The following FAM120C variants were observed in gnomAD, a reference collection of about 807,000 sequenced individuals.
The protein encoded by FAM120C is family with sequence similarity 120 member C, also known as constitutive coactivator of PPAR-gamma-like protein 2.
FAM120C carries 14 observed loss-of-function variants against 71.2 expected under a neutral mutation model. That is an observed-to-expected ratio of 0.20 (90% CI 0.13 to 0.31). The LOEUF (loss-of-function observed/expected upper bound fraction) is 0.31, where lower values mean the gene tolerates loss of function less well. FAM120C is among the 10% of genes least tolerant of loss of function. FAM120C has a pLI of 1.00. For synonymous variants in FAM120C, 354 were observed against 353.2 expected (o/e 1.00, Z -0.03); for missense variants, 500 against 879.0 (o/e 0.57, Z 5.45).
intron 10 of FAM120C, among the ~76,000 whole-genome samples, chrX:54,099,175 GC>G (rs782108835): frequency 2.6e-4 from 28 of 109,085 alleles, no homozygotes; most frequent in Non-Finnish European, 4.9e-4. Context: ...GCTACGCCCA[GC>G]TGCTTTTTAA....
rs1304167009 is a variant in FAM120C, at chrX:54,136,481, G to A, written c.1258+10C>T. On this transcript the variant is annotated intron_variant, in intron 5 of 15. Coordinates refer to ENST00000375180, the MANE Select transcript of FAM120C (RefSeq NM_017848.6). ...GAACAGAGCAGCTTAGGGTCAGATG[G>A]AAGCCTTACCTAGAAAGGAGGGACC... 6.7e-6 allele frequency: 8 copies of A among 1,189,324 alleles called. No homozygotes were observed. The highest frequency in any genetic ancestry group is 2.3e-4 in the Middle Eastern group (1 of 4,293).
At chrX:54,075,565 G>A (rs2066730474) in intron 15 of FAM120C, among the ~76,000 whole-genome samples, 1 of 111,394 alleles carries the variant, frequency 9.0e-6, no homozygotes, top group Admixed American at 9.6e-5. Context: ...TTGGGAGGCC[G>A]AGGCAGGCAG....
At chrX:54,144,719 T>C (rs1282039411) in intron 4 of FAM120C, among the ~76,000 whole-genome samples, 1 of 112,137 alleles carries the variant, frequency 8.9e-6, no homozygotes, top group African/African-American at 3.2e-5. Context: ...AGAATCAATA[T>C]TGTGAAAATG....
chrX:54,094,936 G>A (rs990450018), intron 10 of FAM120C, among the ~76,000 whole-genome samples: 7 of 107,791 alleles, frequency 6.5e-5, no homozygotes, highest in South Asian at 8.3e-4. Flanking sequence ...CATGGCTCAT[G>A]CCTGTGGTCC....
intron 14 of FAM120C, among the ~76,000 whole-genome samples, 199 bp downstream of exon 14, chrX:54,081,123 G>A (rs1241679842): frequency 1.8e-5 from 2 of 109,354 alleles, no homozygotes; most frequent in South Asian, 4.0e-4. Context: ...GCAGGAAGCC[G>A]AGATGATGCC....
At chrX:54,114,433 TG>T (rs1297010935) in intron 10 of FAM120C, among the ~76,000 whole-genome samples, 1 of 110,651 alleles carries the variant, frequency 9.0e-6, no homozygotes, top group African/African-American at 3.3e-5. Context: ...TTTTTGTTTT[TG>T]TTTTTTTGGT....
intron 3 of FAM120C, among the ~76,000 whole-genome samples, chrX:54,157,025 G>A (rs1398977028): frequency 3.7e-5 from 4 of 109,534 alleles, no homozygotes; most frequent in Admixed American, 9.9e-5. Flanking sequence ...TTCCAACCTG[G>A]ACAACAGAGT....
At chrX:54,113,417 G>A (rs888592658) in intron 10 of FAM120C, among the ~76,000 whole-genome samples, 2 of 109,402 alleles carry the variant, frequency 1.8e-5, no homozygotes, top group East Asian at 2.9e-4. Flanking sequence ...CCAAGATCAC[G>A]CCACTGCACT....
At chrX:54,163,606 T>A (rs782002875) in intron 1 of FAM120C, among the ~76,000 whole-genome samples, 23 of 111,665 alleles carry the variant, frequency 2.1e-4, no homozygotes, top group Non-Finnish European at 4.3e-4. Context: ...CACAATGCTA[T>A]GAATATACTA....
intron 1 of FAM120C, chrX:54,171,544 T>G (rs1557135958): frequency 8.9e-6 from 1 of 112,454 alleles, no homozygotes; most frequent in African/African-American, 3.2e-5. Context: ...ACTTTTTTTT[T>G]GTTTGTTTAT....
At chrX:54,146,334 AAAAT>A (rs1557132385) in intron 4 of FAM120C, among the ~76,000 whole-genome samples, 1 of 111,867 alleles carries the variant, frequency 8.9e-6, no homozygotes, top group African/African-American at 3.2e-5. Context: ...TAAATTAAAA[AAAAT>A]AAAATTTATA....
chrX:54,088,418 C>T (rs1557122222), intron 11 of FAM120C, among the ~76,000 whole-genome samples: 2 of 107,798 alleles, frequency 1.9e-5, no homozygotes. Context: ...ATGGTGAAGC[C>T]CCGTCTCTAC....
chrX:54,164,902 C>T (rs2067252471), intron 1 of FAM120C, among the ~76,000 whole-genome samples: 1 of 112,172 alleles, frequency 8.9e-6, no homozygotes, highest in Non-Finnish European at 1.9e-5. Flanking sequence ...AATTTATCCA[C>T]ATCCTTGTCA....
intron 13 of FAM120C, among the ~76,000 whole-genome samples, chrX:54,084,127 C>T (rs1436477594): frequency 5.4e-5 from 6 of 111,945 alleles, no homozygotes; most frequent in Non-Finnish European, 1.1e-4. Flanking sequence ...TAACTGGAGA[C>T]TAAGCATCAC....
In FAM120C at chrX:54,134,005, T is replaced by G; in HGVS notation, c.1658A>C (p.Asn553Thr). ...CCAGGACCCTCTGTCACGATTGGGATTTCCCCACTCAGGCTGGTGATGAAA... is the reference window on the plus strand; with the variant it reads ...CCAGGACCCTCTGTCACGATTGGGAGTTCCCCACTCAGGCTGGTGATGAAA... ...EAFHHQPEWG[N>T]PNRDRGSWAQ... The change falls in exon 8 of 16, where the codon AAT (asparagine) becomes ACT (threonine). Residue 553 changes from asparagine to threonine, a missense_variant. Around this residue, in one of 11 missense-constraint regions of FAM120C, gnomAD observed 85 missense variants for 84.9 expected, o/e 1.00. Coordinates refer to ENST00000375180, the MANE Select transcript of FAM120C (RefSeq NM_017848.6). 4.1e-6 allele frequency: 5 copies of G among 1,211,129 alleles called. No homozygotes were observed. Among genetic ancestry groups the G allele is most frequent in the Non-Finnish European group, 5.6e-6 (5 of 895,242 alleles).
intron 1 of FAM120C, among the ~76,000 whole-genome samples, chrX:54,172,776 T>C (rs1460101661): frequency 2.7e-5 from 3 of 111,528 alleles, no homozygotes; most frequent in Admixed American, 9.5e-5. Context: ...GTAGGTCCGA[T>C]GGGGTAGGGG....
rs1192760824 is a variant in FAM120C, at chrX:54,105,781, C to T, written c.2312+10764G>A. Reference sequence around the variant, plus strand: ...TACACCAATAACAGACAAACAGAGCCAAATCATGAGTGAACTCCCATTCAC... The same window carrying T: ...TACACCAATAACAGACAAACAGAGCTAAATCATGAGTGAACTCCCATTCAC... On this transcript the variant is annotated intron_variant, in intron 10 of 15. Coordinates refer to ENST00000375180, the MANE Select transcript of FAM120C (RefSeq NM_017848.6). Among the ~76,000 whole-genome samples, 9 of 111,222 alleles carry T rather than the reference C, an allele frequency of 8.1e-5. No homozygotes were observed. In the East Asian group the frequency reaches 2.5e-3, roughly 31 times the overall value.
At chrX:54,167,692 T>G (rs2067266767) in intron 1 of FAM120C, among the ~76,000 whole-genome samples, 1 of 109,468 alleles carries the variant, frequency 9.1e-6, no homozygotes, top group African/African-American at 3.3e-5. Flanking sequence ...GGAGGCCGGG[T>G]GTGGTGGCTC....
At chrX:54,177,564 A>G (rs1557136811) in intron 1 of FAM120C, among the ~76,000 whole-genome samples, 1 of 111,489 alleles carries the variant, frequency 9.0e-6, no homozygotes, top group African/African-American at 3.3e-5. Flanking sequence ...GAAGTGAAAC[A>G]AGTTTTGGGG....
Sources: allele counts gnomAD v4.1 joint callset (sites outside exome capture counted in the v4.1 genomes callset), GRCh38; gene constraint gnomAD v4.1.1; regional missense constraint gnomAD v4.1.1; transcripts MANE v1.5; gene names NCBI Gene and HGNC (gene_info 2026-07-23, HGNC 2026-07-21).